Variants in LEPROTL1 observed in about 807,000 individuals in gnomAD.
LEPROTL1 encodes leptin receptor overlapping transcript-like 1.
In LEPROTL1, 6 loss-of-function variants were observed where a neutral mutation model predicts 15.4. That is an observed-to-expected ratio of 0.39 (90% CI 0.21 to 0.77). The LOEUF is 0.77. LEPROTL1 is among the 30% of genes least tolerant of loss of function. The pLI, the probability that LEPROTL1 is intolerant of heterozygous loss-of-function variation, is 0.41. For synonymous variants in LEPROTL1, 56 were observed against 52.6 expected (o/e 1.06, Z -0.28); for missense variants, 128 against 158.1 (o/e 0.81, Z 1.02).
intron 1 of LEPROTL1, among the ~76,000 whole-genome samples, chr8:30,096,669 T>C (rs2117470406): frequency 6.6e-6 from 1 of 152,350 alleles, no homozygotes; most frequent in South Asian, 2.1e-4. Context: ...TTTTAGGATG[T>C]TGCCCGTTTC....
intron 3 of LEPROTL1, among the ~76,000 whole-genome samples, chr8:30,125,893 C>T (rs1035290306): frequency 4.6e-5 from 7 of 152,136 alleles, no homozygotes; most frequent in Non-Finnish European, 7.4e-5. Context: ...TGAAATGTTT[C>T]GGAAATAGAT....
At chr8:30,114,943 A>T (rs971022429) in intron 3 of LEPROTL1, among the ~76,000 whole-genome samples, 4 of 152,138 alleles carry the variant, frequency 2.6e-5, no homozygotes, top group African/African-American at 7.2e-5. Flanking sequence ...ACACAGCCAC[A>T]CCTGATCTCA....
downstream of LEPROTL1, among the ~76,000 whole-genome samples, chr8:30,113,170 G>C (rs893237550): frequency 1.3e-5 from 2 of 151,606 alleles, no homozygotes; most frequent in Non-Finnish European, 2.9e-5. Context: ...CAGCTACTCC[G>C]GAAGCTGCGG....
chr8:30,117,736 T>C (rs753474308), intron 3 of LEPROTL1: 30 of 1,038,382 alleles, frequency 2.9e-5, no homozygotes, highest in African/African-American at 6.1e-5. Context: ...TTCGGCATTG[T>C]TGATGCTCTT....
intron 3 of LEPROTL1, chr8:30,117,339 T>C (rs1209772366): frequency 2.2e-6 from 2 of 895,268 alleles, no homozygotes; most frequent in Non-Finnish European, 3.5e-6. Context: ...TTTTTTTAAT[T>C]GTCTGTGAGG....
chr8:30,107,471 T>C lies in LEPROTL1; in HGVS notation c.*1609T>C. ...CAGCTGTCTGTTGTTTTATGAAGTT[T>C]ATTTCTCAAGAAAATGGGAATAAAT... is the stretch of plus-strand genomic sequence containing the variant. On this transcript the variant is annotated 3_prime_UTR_variant, in exon 4 of 4. Coordinates refer to ENST00000321250, the MANE Select transcript of LEPROTL1 (RefSeq NM_015344.3). 1 of 985,900 alleles carries C rather than the reference T, an allele frequency of 1.0e-6. No individual in the cohort carries two copies. The highest frequency in any genetic ancestry group is 1.2e-6 in the Non-Finnish European group (1 of 829,936). 61.1% of individuals were successfully genotyped at this position (985,900 alleles called of 1,614,324 possible).
At chr8:30,129,226 T>G (rs1352694755) in intron 3 of LEPROTL1, among the ~76,000 whole-genome samples, 2 of 152,188 alleles carry the variant, frequency 1.3e-5, no homozygotes, top group African/African-American at 4.8e-5. Flanking sequence ...CCTTGCCATC[T>G]CTGTTCATCA....
chr8:30,109,252 G>A (rs370867211), downstream of LEPROTL1, among the ~76,000 whole-genome samples: 12 of 152,262 alleles, frequency 7.9e-5, no homozygotes, highest in African/African-American at 2.4e-4. Context: ...TGATGTATAC[G>A]ATTGGTGGGA....
chr8:30,106,431 G>A lies in LEPROTL1; in HGVS notation c.*569G>A. The A allele has an allele frequency of 3.0e-6, 3 of 985,786 alleles. No individual in the cohort carries two copies. The highest frequency in any genetic ancestry group is 3.6e-6 in the Non-Finnish European group (3 of 829,880). 61.1% of individuals were successfully genotyped at this position (985,786 alleles called of 1,614,324 possible). Reference sequence around the variant, plus strand: ...TGCATTTATACCTCAGAGGGGCCAAGTGTTAATGCCCATGCCCTCCGTTAA... The same window carrying A: ...TGCATTTATACCTCAGAGGGGCCAAATGTTAATGCCCATGCCCTCCGTTAA... On this transcript the variant is annotated 3_prime_UTR_variant, in exon 4 of 4. Transcript: ENST00000321250.
downstream of LEPROTL1, among the ~76,000 whole-genome samples, chr8:30,109,246 G>A (rs755057485): frequency 1.4e-4 from 21 of 152,166 alleles, no homozygotes; most frequent in Non-Finnish European, 2.5e-4. Flanking sequence ...GCTTTATGAT[G>A]TATACGATTG....
Position 30,106,670 on chromosome 8 carries a change from A to G in LEPROTL1, c.*808A>G, listed in dbSNP as rs551450541. ...TGGGAAGAAATGACATTGAAATTCC[A>G]GTTTTTGAATCCTGTTTCTATTTAT... On this transcript the variant is annotated 3_prime_UTR_variant, in exon 4 of 4. Transcript: ENST00000321250. 7.2e-4 allele frequency: 703 copies of G among 982,704 alleles called. 20 individuals are homozygous for G. In the South Asian group the frequency reaches 0.029, roughly 41 times the overall value. The allele number at this position is 982,704 out of a possible 1,614,324, so 60.9% of individuals were successfully genotyped here.
intron 3 of LEPROTL1, among the ~76,000 whole-genome samples, chr8:30,128,271 A>G (rs765126905): frequency 1.4e-4 from 22 of 152,190 alleles, no homozygotes; most frequent in Non-Finnish European, 2.6e-4. Flanking sequence ...CAGAATGCAA[A>G]TAGAAAAAGA....
At chr8:30,121,733 TTGGCCTCTGGATGGCAGTAGAAATGTCC>T (rs1802832426) in intron 3 of LEPROTL1, among the ~76,000 whole-genome samples, 1 of 152,218 alleles carries the variant, frequency 6.6e-6, no homozygotes, top group Admixed American at 6.5e-5. Flanking sequence ...CAGTGGTTTC[TTGGCCTCTGGATGGCAGTAGAAATGTCC>T]TGGCCTCTGG....
intron 3 of LEPROTL1, chr8:30,104,715 T>A: frequency 8.3e-6 from 1 of 120,518 alleles, no homozygotes; most frequent in Non-Finnish European, 1.7e-5. Context: ...TTTTTTTTTC[T>A]TTTTTTTTTT....
intron 3 of LEPROTL1, among the ~76,000 whole-genome samples, chr8:30,113,595 C>CCACGTACACA (rs1802687946): frequency 6.6e-6 from 1 of 152,156 alleles, no homozygotes; most frequent in Non-Finnish European, 1.5e-5. Context: ...CTACGCATCT[C>CCACGTACACA]CACGTACACA....
chr8:30,133,058 C>A (rs1410158495), intron 4 of LEPROTL1, among the ~76,000 whole-genome samples: 1 of 152,138 alleles, frequency 6.6e-6, no homozygotes, highest in Non-Finnish European at 1.5e-5. Flanking sequence ...CAAAATAAAT[C>A]TTAAAATAAA....
chr8:30,117,620 G>C (rs1489580477), intron 3 of LEPROTL1: 13 of 1,459,372 alleles, frequency 8.9e-6, no homozygotes, highest in Non-Finnish European at 1.0e-5. Flanking sequence ...GATCATCAAT[G>C]ATTTCAAATT....
intron 4 of LEPROTL1, among the ~76,000 whole-genome samples, chr8:30,133,843 GCAAAA>G (rs1456001998): frequency 2.0e-5 from 3 of 147,840 alleles, no homozygotes; most frequent in East Asian, 2.0e-4. Context: ...GTGTTAAAAA[GCAAAA>G]CAAAACAAAA....
intron 4 of LEPROTL1, among the ~76,000 whole-genome samples, chr8:30,134,794 C>G (rs534064404): frequency 6.6e-6 from 1 of 152,176 alleles, no homozygotes; most frequent in Non-Finnish European, 1.5e-5. Context: ...GAGATCTGCC[C>G]GCCTCGGCCT....
Sources: allele counts gnomAD v4.1 joint callset (sites outside exome capture counted in the v4.1 genomes callset), GRCh38; gene constraint gnomAD v4.1.1; transcripts MANE v1.5; gene names NCBI Gene and HGNC (gene_info 2026-07-23, HGNC 2026-07-21).